FGD6: variants seen among roughly 807,000 people sequenced by gnomAD.
The protein encoded by FGD6 is FYVE, RhoGEF and PH domain-containing protein 6.
A neutral mutation model predicts 149.4 loss-of-function variants in FGD6; 90 were observed. That is an observed-to-expected ratio of 0.60 (90% CI 0.51 to 0.72). FGD6 has a LOEUF of 0.72. FGD6 is among the 30% of genes least tolerant of loss of function. FGD6 has a pLI of 0.00. For missense variants in FGD6, 1,437 were observed against 1,684.8 expected, an observed-to-expected ratio of 0.85 and a Z score of 2.57; for synonymous variants, 527 against 584.0, an observed-to-expected ratio of 0.90 and a Z score of 1.41.
intron 18 of FGD6, among the ~76,000 whole-genome samples, chr12:95,087,746 CTTTAA>C (rs1469442865): frequency 3.3e-5 from 5 of 152,034 alleles, no homozygotes; most frequent in African/African-American, 9.7e-5. Context: ...TAAAGTGTAT[CTTTAA>C]TTATATTAAT....
At chr12:95,167,613 C>A (rs1293418728) in intron 3 of FGD6, among the ~76,000 whole-genome samples, 1 of 137,342 alleles carries the variant, frequency 7.3e-6, no homozygotes, top group East Asian at 2.1e-4. Context: ...CTAGCTCTGT[C>A]ACCCAGGTTG....
At chr12:95,203,763 G>C (rs1167778302) in intron 2 of FGD6, among the ~76,000 whole-genome samples, 1 of 152,128 alleles carries the variant, frequency 6.6e-6, no homozygotes, top group East Asian at 1.9e-4. Context: ...TTTATAATAA[G>C]AACAAATTGA....
At chr12:95,149,962 T>TA (rs1417868171) in intron 5 of FGD6, among the ~76,000 whole-genome samples, 1 of 146,124 alleles carries the variant, frequency 6.8e-6, no homozygotes, top group Non-Finnish European at 1.5e-5. Flanking sequence ...TCATACTATA[T>TA]ATTATATAGT....
chr12:95,172,038 G>GTGGGGC (rs1555221385), intron 3 of FGD6, among the ~76,000 whole-genome samples: 2 of 136,554 alleles, frequency 1.5e-5, no homozygotes, highest in African/African-American at 5.5e-5. Flanking sequence ...AATTCTAAGG[G>GTGGGGC]GGGGGGGGTT....
At chr12:95,184,492 A>C (rs1213675336) in intron 2 of FGD6, among the ~76,000 whole-genome samples, 2 of 152,204 alleles carry the variant, frequency 1.3e-5, no homozygotes, top group Non-Finnish European at 2.9e-5. Context: ...ATAACCCCCC[A>C]AAACCATAAG....
chr12:95,192,704 A>T (rs1881625800), intron 2 of FGD6, among the ~76,000 whole-genome samples: 1 of 152,214 alleles, frequency 6.6e-6, no homozygotes, highest in Non-Finnish European at 1.5e-5. Flanking sequence ...ACAATGGGGA[A>T]GATTGGGAGG....
chr12:95,151,032 G>C (rs1384795513), intron 5 of FGD6, among the ~76,000 whole-genome samples: 1 of 151,910 alleles, frequency 6.6e-6, no homozygotes, highest in Non-Finnish European at 1.5e-5. Context: ...GGTAGAGCTT[G>C]CAGTGAGTGG....
At chr12:95,165,323 A>G (rs897410452) in intron 3 of FGD6, among the ~76,000 whole-genome samples, 1 of 150,622 alleles carries the variant, frequency 6.6e-6, no homozygotes, top group Non-Finnish European at 1.5e-5. Flanking sequence ...ATGTGTATCA[A>G]TTTTCTTTTT....
At chr12:95,183,926 A>G (rs1881353449) in intron 2 of FGD6, among the ~76,000 whole-genome samples, 1 of 152,216 alleles carries the variant, frequency 6.6e-6, no homozygotes, top group Non-Finnish European at 1.5e-5. Flanking sequence ...GGCAGATTTT[A>G]ATAAGATTAT....
intron 3 of FGD6, among the ~76,000 whole-genome samples, chr12:95,155,152 A>G (rs184478773): frequency 1.6e-3 from 251 of 152,322 alleles, no homozygotes; most frequent in Middle Eastern, 6.8e-3. Flanking sequence ...TTACTTTATT[A>G]AAGCATGGGT....
chr12:95,194,118 T>C (rs1208642265), intron 2 of FGD6, among the ~76,000 whole-genome samples: 1 of 151,792 alleles, frequency 6.6e-6, no homozygotes, highest in Non-Finnish European at 1.5e-5. Flanking sequence ...AGAGATGGAG[T>C]CTCGCCAAGT....
rs1220959570 is a variant in FGD6, at chr12:95,081,150, A to G, written c.*370T>C. ...TGCTATGTGTTTTTTCCTTACAAAGACTTTCCACCAGTAAGATTGTTACAA... is the reference window on the plus strand; with the variant it reads ...TGCTATGTGTTTTTTCCTTACAAAGGCTTTCCACCAGTAAGATTGTTACAA... On this transcript the variant is annotated 3_prime_UTR_variant, in exon 21 of 21. Coordinates refer to ENST00000343958, the MANE Select transcript of FGD6 (RefSeq NM_018351.4). 1 of 155,798 alleles carries G rather than the reference A, an allele frequency of 6.4e-6. No individual in the cohort carries two copies. Among genetic ancestry groups the G allele is most frequent in the African/African-American group, 2.4e-5 (1 of 41,624 alleles). 9.7% of individuals were successfully genotyped at this position (155,798 alleles called of 1,614,324 possible). A position where few individuals can be genotyped will look rare whatever the true frequency, so the allele number is the denominator to read the frequency against.
intron 3 of FGD6, among the ~76,000 whole-genome samples, chr12:95,159,329 C>G (rs1470510295): frequency 6.6e-6 from 1 of 152,052 alleles, no homozygotes; most frequent in African/African-American, 2.4e-5. Flanking sequence ...TAGAAGAAAA[C>G]ATTTTAAAAA....
At chr12:95,118,255 G>A (rs9919687) in intron 8 of FGD6, among the ~76,000 whole-genome samples, 37,795 of 151,544 alleles carry the variant, frequency 0.25, 5,475 homozygotes, top group African/African-American at 0.4. Flanking sequence ...GGAGACTGAG[G>A]CAGGAGAATT....
intron 5 of FGD6, 52 bp from the exon 6 acceptor site, chr12:95,141,591 C>A (rs749454950): frequency 1.3e-4 from 211 of 1,598,464 alleles, no homozygotes; most frequent in Non-Finnish European, 4.6e-5. Flanking sequence ...AACTTGATAA[C>A]AAGCTTTTAT....
intron 2 of FGD6, among the ~76,000 whole-genome samples, chr12:95,178,965 A>G (rs1196366655): frequency 6.7e-6 from 1 of 149,462 alleles, no homozygotes; most frequent in Middle Eastern, 3.2e-3. Flanking sequence ...CTATGGCTTC[A>G]AAAAAAAAGA....
rs183131108 is a variant in FGD6, at chr12:95,173,724, T to C, written c.2442-980A>G. Among the ~76,000 whole-genome samples the C allele has an allele frequency of 2.6e-5, 4 of 152,016 alleles. No individual in the cohort carries two copies. The East Asian group carries it at 7.7e-4, about 29-fold the overall frequency. The stretch of plus-strand genomic sequence containing the variant: ...CAAGAATATCTGCAGAATAGAAGAG[T>C]ATAGGTGGGGTCAGTAAAAGATCCA... On this transcript the variant is annotated intron_variant, in intron 2 of 20. Transcript: ENST00000343958.
chr12:95,191,265 C>A (rs541732645), intron 2 of FGD6, among the ~76,000 whole-genome samples: 1 of 152,148 alleles, frequency 6.6e-6, no homozygotes, highest in African/African-American at 2.4e-5. Flanking sequence ...TCCCACAATA[C>A]GGAAGGATGC....
Position 95,187,664 on chromosome 12 carries a change from A to C in FGD6, c.2442-14920T>G, listed in dbSNP as rs528419795. On this transcript the variant is annotated intron_variant, in intron 2 of 20. Transcript: ENST00000343958. ...GAGGCTGCGTCCCCAAAAAAAAAAC[A>C]AAAAAAAAAAAGTGACTTCAGAGAG... Among the ~76,000 whole-genome samples, 8 of 141,252 alleles carry C rather than the reference A, an allele frequency of 5.7e-5. No homozygotes were observed. The East Asian group carries it at 1.4e-3, about 25-fold the overall frequency. 92.7% of individuals were successfully genotyped at this position (141,252 alleles called of 152,430 possible).
Sources: gnomAD v4.1 joint callset for allele counts (sites outside exome capture counted in the v4.1 genomes callset) on GRCh38, gnomAD v4.1.1 for gene constraint, MANE v1.5 for transcripts, NCBI Gene and HGNC (gene_info 2026-07-23, HGNC 2026-07-21) for gene names.